The following C13orf42 variants were observed in gnomAD, a reference collection of about 807,000 sequenced individuals.
C13orf42 encodes the protein chromosome 13 open reading frame 42.
intron 1 of C13orf42, among the ~76,000 whole-genome samples, chr13:51,130,542 T>C (rs901539740): frequency 1.3e-5 from 2 of 152,178 alleles, no homozygotes; most frequent in African/African-American, 4.8e-5. Context: ...AGGGGATTTA[T>C]GCAAGAAATG....
At chr13:51,110,358 C>T (rs914276147) in intron 1 of C13orf42, among the ~76,000 whole-genome samples, 3 of 152,130 alleles carry the variant, frequency 2.0e-5, no homozygotes, top group Non-Finnish European at 4.4e-5. Flanking sequence ...AATATGGTGC[C>T]GCCTGACACC....
chr13:51,159,250 T>C (rs1953845771), intron 1 of C13orf42, among the ~76,000 whole-genome samples: 1 of 152,192 alleles, frequency 6.6e-6, no homozygotes, highest in South Asian at 2.1e-4. Flanking sequence ...TACACACCTA[T>C]GATTTATATT....
chr13:51,087,796 C>A, intron 2 of C13orf42, 132 bp downstream of exon 2: 1 of 395,480 alleles, frequency 2.5e-6, no homozygotes, highest in Non-Finnish European at 4.5e-6. Flanking sequence ...CAGGGTTTCC[C>A]TTTAATCAGG....
chr13:51,157,617 G>A (rs931146953), intron 1 of C13orf42, among the ~76,000 whole-genome samples: 1 of 152,114 alleles, frequency 6.6e-6, no homozygotes, highest in Non-Finnish European at 1.5e-5. Flanking sequence ...CCATGCAGGT[G>A]AGTGAGCTAT....
intron 1 of C13orf42, among the ~76,000 whole-genome samples, chr13:51,148,707 T>C (rs945426823): frequency 6.6e-6 from 1 of 152,198 alleles, no homozygotes; most frequent in Non-Finnish European, 1.5e-5. Flanking sequence ...GCGACGTGCC[T>C]TAGGAAAAGG....
intron 1 of C13orf42, among the ~76,000 whole-genome samples, chr13:51,089,821 T>C (rs1487054443): frequency 1.3e-5 from 2 of 149,266 alleles, no homozygotes; most frequent in Non-Finnish European, 3.0e-5. Context: ...AGAGGAAAAG[T>C]AGAAACCTCG....
chr13:51,122,911 T>C (rs1360579918), intron 1 of C13orf42, among the ~76,000 whole-genome samples: 1 of 152,222 alleles, frequency 6.6e-6, no homozygotes, highest in Non-Finnish European at 1.5e-5. Flanking sequence ...CACCGTCATC[T>C]AAAGTCAAAC....
intron 1 of C13orf42, among the ~76,000 whole-genome samples, chr13:51,159,075 C>A (rs1953843994): frequency 6.6e-6 from 1 of 152,188 alleles, no homozygotes; most frequent in Non-Finnish European, 1.5e-5. Context: ...ATCCACCAAT[C>A]TCCCTCTCTC....
chr13:51,097,651 G>T (rs1193813343), intron 1 of C13orf42, among the ~76,000 whole-genome samples: 1 of 151,940 alleles, frequency 6.6e-6, no homozygotes, highest in African/African-American at 2.4e-5. Context: ...TGCAAAATGA[G>T]ATTTCAGTCA....
intron 1 of C13orf42, among the ~76,000 whole-genome samples, chr13:51,097,342 A>C (rs115619745): frequency 1.9e-3 from 291 of 152,352 alleles, no homozygotes; most frequent in African/African-American, 6.9e-3. Context: ...AGCATCAAGT[A>C]ATCTGGCAAG....
chr13:51,093,073 C>T (rs1423978772), intron 1 of C13orf42, among the ~76,000 whole-genome samples: 1 of 152,078 alleles, frequency 6.6e-6, no homozygotes, highest in African/African-American at 2.4e-5. Context: ...TCAGGAAGTA[C>T]CTAGTTTATG....
chr13:51,164,594 AG>A (rs1276984344), intron 1 of C13orf42, among the ~76,000 whole-genome samples: 1 of 152,214 alleles, frequency 6.6e-6, no homozygotes, highest in Admixed American at 6.5e-5. Context: ...CAGGAGTTCA[AG>A]GCTGTAATAA....
intron 1 of C13orf42, among the ~76,000 whole-genome samples, chr13:51,141,972 A>C (rs993215910): frequency 1.3e-5 from 2 of 152,244 alleles, no homozygotes; most frequent in Non-Finnish European, 2.9e-5. Flanking sequence ...TGCATTTATT[A>C]ATCAGGCAAT....
chr13:51,114,548 G>A (rs2138007976), upstream of C13orf42, among the ~76,000 whole-genome samples: 1 of 152,052 alleles, frequency 6.6e-6, no homozygotes, highest in Non-Finnish European at 1.5e-5. Flanking sequence ...ATGTCCTCCA[G>A]GTTCACTTGT....
At chr13:51,140,775 G>A (rs1057052609) in intron 1 of C13orf42, among the ~76,000 whole-genome samples, 1 of 152,110 alleles carries the variant, frequency 6.6e-6, no homozygotes, top group Non-Finnish European at 1.5e-5. Context: ...TTCCAACAGG[G>A]AAGATGAAGG....
intron 1 of C13orf42, among the ~76,000 whole-genome samples, chr13:51,147,490 G>A (rs1326196247): frequency 6.6e-6 from 1 of 152,192 alleles, no homozygotes; most frequent in Non-Finnish European, 1.5e-5. Flanking sequence ...AGTACTTTGG[G>A]AGGCCGAGGT....
At chr13:51,150,191 C>T (rs574790304) in intron 1 of C13orf42, among the ~76,000 whole-genome samples, 17 of 152,198 alleles carry the variant, frequency 1.1e-4, no homozygotes, top group Non-Finnish European at 1.8e-4. Flanking sequence ...ACTGTGGTGT[C>T]GTTTGTGGGA....
At chr13:51,166,517 A>G (rs955165565) in intron 1 of C13orf42, among the ~76,000 whole-genome samples, 4 of 148,570 alleles carry the variant, frequency 2.7e-5, no homozygotes, top group East Asian at 2.0e-4. Context: ...TGGGTGCAGC[A>G]CACCAGCATG....
rs74655918 is a variant in C13orf42, at chr13:51,161,258, A to C, written n.136+10995T>G. Among the ~76,000 whole-genome samples the C allele has an allele frequency of 3.7e-3, 566 of 151,790 alleles. 2 individuals carry two copies. The highest frequency in any genetic ancestry group is 0.013 in the African/African-American group (535 of 41,480). Reference sequence around the variant, plus strand: ...ACTGTCATTAACAGATTTTGGTCCAAACACAACTAACTCCTACTAAGTATG... The same window carrying C: ...ACTGTCATTAACAGATTTTGGTCCACACACAACTAACTCCTACTAAGTATG... On this transcript the variant is annotated intron_variant and non_coding_transcript_variant, in intron 1 of 4. Transcript: ENST00000433280.
Sources: gnomAD v4.1 joint callset for allele counts (sites outside exome capture counted in the v4.1 genomes callset) on GRCh38, gnomAD v4.1.1 for gene constraint, MANE v1.5 for transcripts, NCBI Gene and HGNC (gene_info 2026-07-23, HGNC 2026-07-21) for gene names.